Variants in MPDZ observed in about 807,000 individuals in gnomAD.
MPDZ encodes multiple PDZ domain crumbs cell polarity complex component, also known as multiple PDZ domain protein.
A neutral mutation model predicts 239.1 loss-of-function variants in MPDZ; 234 were observed. The observed-to-expected ratio is 0.98, with a 90% CI of 0.88 to 1.09. The LOEUF (loss-of-function observed/expected upper bound fraction) is 1.09, where lower values mean the gene tolerates loss of function less well. MPDZ is among the 50% of genes least tolerant of loss of function. MPDZ has a pLI of 0.00. For synonymous variants in MPDZ, 1,048 were observed against 881.3 expected (o/e 1.19, Z -3.35); for missense variants, 3,175 against 2,510.0 (o/e 1.26, Z -5.66).
rs577321006 is a variant in MPDZ, at chr9:13,154,500, A to G, written c.3452+3518T>C. Among the ~76,000 whole-genome samples the G allele has an allele frequency of 8.6e-4, 131 of 152,298 alleles. 1 individual carries two copies. The highest frequency in any genetic ancestry group is 4.6e-4 in the Non-Finnish European group (31 of 68,026). On this transcript the variant is annotated intron_variant, in intron 24 of 46. Transcript: ENST00000319217. ...ACTTAATGATTATGTGACACAGGGC[A>G]TTTATTTAGTCTCTGTCTTACTTTC... is the stretch of plus-strand genomic sequence containing the variant.
At chr9:13,140,233 A>G in intron 27 of MPDZ, 84 bp from the exon 28 acceptor site, 1 of 1,358,684 alleles carries the variant, frequency 7.4e-7, no homozygotes, top group Non-Finnish European at 1.0e-6. Context: ...ATACTGTCAA[A>G]AACAAAGACT....
intron 3 of MPDZ, among the ~76,000 whole-genome samples, chr9:13,233,682 A>C (rs1963182885): frequency 6.6e-6 from 1 of 152,184 alleles, no homozygotes; most frequent in South Asian, 2.1e-4. Flanking sequence ...CATATAATCA[A>C]AGCAAAAACT....
intron 3 of MPDZ, among the ~76,000 whole-genome samples, chr9:13,227,934 G>C (rs1018630196): frequency 1.3e-5 from 2 of 151,920 alleles, no homozygotes; most frequent in Admixed American, 1.3e-4. Flanking sequence ...AAGCAGAAAG[G>C]CACCTTTGAT....
chr9:13,157,668 G>A lies in MPDZ; in HGVS notation c.3452+350C>T, dbSNP rs572943461. On this transcript the variant is annotated intron_variant, in intron 24 of 46. Transcript: ENST00000319217. Reference sequence around the variant, plus strand: ...ACACACACACGTTCTGAATATATATGTTTGCCTATCTAGTTTCTACAAATG... The same window carrying A: ...ACACACACACGTTCTGAATATATATATTTGCCTATCTAGTTTCTACAAATG... Among the ~76,000 whole-genome samples, 142 of 151,882 alleles carry A rather than the reference G, an allele frequency of 9.3e-4. 1 individual carries two copies. Among genetic ancestry groups the A allele is most frequent in the African/African-American group, 2.9e-3 (119 of 41,432 alleles).
chr9:13,150,290 C>T (rs1341884280), intron 25 of MPDZ, among the ~76,000 whole-genome samples: 1 of 151,574 alleles, frequency 6.6e-6, no homozygotes, highest in Admixed American at 6.6e-5. Context: ...TGAAAATAAA[C>T]AAATAAGAAA....
At chr9:13,113,204 T>C in intron 41 of MPDZ, 150 bp from the exon 42 acceptor site, 1 of 644,864 alleles carries the variant, frequency 1.6e-6, no homozygotes, top group East Asian at 2.7e-5. Context: ...CATGATTAGA[T>C]CTGTCTTACA....
intron 22 of MPDZ, among the ~76,000 whole-genome samples, chr9:13,163,411 T>G (rs972049789): frequency 1.3e-5 from 2 of 152,162 alleles, no homozygotes; most frequent in African/African-American, 4.8e-5. Context: ...CACTTTGGTC[T>G]CAAAGAAAAG....
chr9:13,265,761 C>T (rs1381144668), intron 1 of MPDZ, among the ~76,000 whole-genome samples: 2 of 152,040 alleles, frequency 1.3e-5, no homozygotes, highest in Middle Eastern at 3.2e-3. Flanking sequence ...ATCTCGATGA[C>T]ACTGGGGCAG....
intron 10 of MPDZ, among the ~76,000 whole-genome samples, chr9:13,206,690 C>T (rs1388703441): frequency 1.3e-5 from 2 of 151,896 alleles, no homozygotes; most frequent in East Asian, 1.9e-4. Context: ...ACTACAGGTG[C>T]GTGCCACCAT....
At chr9:13,149,127 G>A (rs548351189) in intron 25 of MPDZ, among the ~76,000 whole-genome samples, 23 of 151,820 alleles carry the variant, frequency 1.5e-4, no homozygotes, top group African/African-American at 5.3e-4. Context: ...GGGGTCTAAG[G>A]TATCATCTAA....
intron 3 of MPDZ, among the ~76,000 whole-genome samples, chr9:13,245,675 T>C (rs1966432564): frequency 6.6e-6 from 1 of 152,204 alleles, no homozygotes; most frequent in African/African-American, 2.4e-5. Context: ...AGTCTTAAAA[T>C]ATATCAGTTG....
At chr9:13,157,635 A>G (rs1949984485) in intron 24 of MPDZ, among the ~76,000 whole-genome samples, 1 of 150,520 alleles carries the variant, frequency 6.6e-6, no homozygotes, top group Admixed American at 6.6e-5. Flanking sequence ...ACACACAAAC[A>G]CACACACACA....
Position 13,126,512 on chromosome 9 carries a change from T to A in MPDZ, c.4632+4A>T. The A allele has an allele frequency of 6.4e-7, 1 of 1,552,940 alleles. No homozygotes were observed. On this transcript the variant is annotated splice_donor_region_variant and intron_variant, in intron 34 of 46. Transcript: ENST00000319217. Reference sequence around the variant, plus strand: ...TTACCATTTACTTTATTTTGGAAAATTACCTTTTCAATAGGGTAACCAACA... The same window carrying A: ...TTACCATTTACTTTATTTTGGAAAAATACCTTTTCAATAGGGTAACCAACA...
intron 3 of MPDZ, among the ~76,000 whole-genome samples, chr9:13,230,634 A>T (rs1277785040): frequency 6.6e-6 from 1 of 152,154 alleles, no homozygotes; most frequent in African/African-American, 2.4e-5. Flanking sequence ...AAGTGGTTAA[A>T]TATGACTATA....
At chr9:13,137,000 T>A (rs1946915348) in intron 29 of MPDZ, among the ~76,000 whole-genome samples, 197 bp from the exon 30 acceptor site, 1 of 152,098 alleles carries the variant, frequency 6.6e-6, no homozygotes. Context: ...AAAGCCAGCA[T>A]TAAAATAATG....
At chr9:13,132,263 C>G (rs1484619969) in intron 32 of MPDZ, among the ~76,000 whole-genome samples, 1 of 152,148 alleles carries the variant, frequency 6.6e-6, no homozygotes, top group African/African-American at 2.4e-5. Context: ...CCAATCCCAA[C>G]AATAACCCTT....
chr9:13,177,024 G>T (rs1488399364), intron 19 of MPDZ, among the ~76,000 whole-genome samples: 1 of 152,128 alleles, frequency 6.6e-6, no homozygotes, highest in Non-Finnish European at 1.5e-5. Context: ...GTCATAAAAT[G>T]TATGCTCTAA....
chr9:13,148,339 A>C (rs1461949664), intron 25 of MPDZ, among the ~76,000 whole-genome samples: 3 of 152,082 alleles, frequency 2.0e-5, no homozygotes, highest in Non-Finnish European at 4.4e-5. Flanking sequence ...TAAGAAGGAA[A>C]ATAGTTTAAA....
At chr9:13,127,562 G>A (rs1945309152) in intron 32 of MPDZ, among the ~76,000 whole-genome samples, 1 of 152,126 alleles carries the variant, frequency 6.6e-6, no homozygotes, top group Admixed American at 6.5e-5. Context: ...GCAAAGAAAA[G>A]AAAAGAGAAT....
Sources: allele counts gnomAD v4.1 joint callset (sites outside exome capture counted in the v4.1 genomes callset), GRCh38; gene constraint gnomAD v4.1.1; transcripts MANE v1.5; gene names NCBI Gene and HGNC (gene_info 2026-07-23, HGNC 2026-07-21).